Variants in NUP43 observed in about 807,000 individuals in gnomAD.
NUP43 encodes the protein nucleoporin 43.
In NUP43, 32 loss-of-function variants were observed where a neutral mutation model predicts 47.3. That is an observed-to-expected ratio of 0.68 (90% CI 0.51 to 0.91). The LOEUF (loss-of-function observed/expected upper bound fraction) is 0.91, where lower values mean the gene tolerates loss of function less well. NUP43 is among the 40% of genes least tolerant of loss of function. The probability of loss-of-function intolerance (pLI) is 0.00; values close to 1 mark genes in which losing one functional copy is unlikely to be tolerated. For missense variants in NUP43, 444 were observed against 453.9 expected (o/e 0.98, Z 0.20); for synonymous variants, 147 against 158.4 (o/e 0.93, Z 0.54).
rs928578585 is a variant in NUP43, at chr6:149,741,071, AAAG to A, written c.502+1316_502+1318del. 4.6e-5 allele frequency among the ~76,000 whole-genome samples: 7 copies of A among 152,284 alleles called. No homozygotes were observed. The East Asian group carries it at 7.7e-4, about 17-fold the overall frequency. ...GATAATGCCCTCTCACCAAAAAAAA[AAAG>A]GTTTCTGTTTCCTCTAGTCAGTCAT... On this transcript the variant is annotated intron_variant, in intron 4 of 7. Transcript: ENST00000340413.
chr6:149,728,192 ATATGTCT>A, intron 7 of NUP43: 1 of 984,934 alleles, frequency 1.0e-6, no homozygotes, highest in Non-Finnish European at 1.2e-6. Flanking sequence ...CCATGACTAA[ATATGTCT>A]TAAGAGCAGG....
chr6:149,744,922 A>T (rs9322217), intron 2 of NUP43, among the ~76,000 whole-genome samples: 62,971 of 148,300 alleles, frequency 0.42, 14,240 homozygotes, highest in East Asian at 0.81. Context: ...TATTATTATT[A>T]TTTTTTGAGA....
chr6:149,727,244 A>G (rs1217047962), intron 7 of NUP43, 46 bp from the exon 8 acceptor site: 3 of 1,569,102 alleles, frequency 1.9e-6, no homozygotes, highest in Admixed American at 3.7e-5. Context: ...GATGATTTTT[A>G]TATTAGTAAA....
intron 6 of NUP43, among the ~76,000 whole-genome samples, chr6:149,735,041 C>T (rs947205824): frequency 6.6e-6 from 1 of 152,030 alleles, no homozygotes; most frequent in African/African-American, 2.4e-5. Context: ...GCACACTTCA[C>T]TATGGCATAT....
At chr6:149,729,445 G>A in intron 7 of NUP43, 1 of 767,844 alleles carries the variant, frequency 1.3e-6, no homozygotes, top group Middle Eastern at 6.5e-4. Flanking sequence ...GGGAGAAGCA[G>A]CTCCTTCCTG....
intron 4 of NUP43, among the ~76,000 whole-genome samples, chr6:149,739,434 A>T (rs191867887): frequency 2.8e-4 from 43 of 151,180 alleles, no homozygotes; most frequent in Admixed American, 6.6e-4. Context: ...TTACAGGTAC[A>T]TGCCACCATG....
chr6:149,731,295 C>A, intron 7 of NUP43: 1 of 181,206 alleles, frequency 5.5e-6, no homozygotes, highest in Non-Finnish European at 1.2e-5. Context: ...TGTGGTGGCT[C>A]ACTCCTGTAA....
chr6:149,732,398 T>G (rs75253903), intron 6 of NUP43, among the ~76,000 whole-genome samples: 1,895 of 150,710 alleles, frequency 0.013, 41 homozygotes, highest in African/African-American at 0.044. Context: ...ATACTAAAAA[T>G]TAGCCAGGCA....
intron 1 of NUP43, 61 bp from the exon 2 acceptor site, chr6:149,746,123 T>C (rs766924805): frequency 1.3e-6 from 2 of 1,575,312 alleles, no homozygotes; most frequent in East Asian, 4.5e-5. Flanking sequence ...AAAATAAAAG[T>C]TGTGCTCCCG....
chr6:149,743,259 C>A (rs898981751), intron 3 of NUP43, among the ~76,000 whole-genome samples: 25 of 151,194 alleles, frequency 1.7e-4, no homozygotes, highest in African/African-American at 5.3e-4. Context: ...TCAAAAAAAC[C>A]CTTAACATGA....
chr6:149,727,395 C>T (rs1784838711), intron 7 of NUP43, 197 bp from the exon 8 acceptor site: 10 of 984,404 alleles, frequency 1.0e-5, no homozygotes, highest in Non-Finnish European at 1.2e-5. Context: ...TTCAAATTTC[C>T]ATGGGATAAT....
chr6:149,726,174 G>A lies in NUP43; in HGVS notation c.*795C>T, dbSNP rs756976234. Reference sequence around the variant, plus strand: ...TGTAATCACAGCACTTTGGGAGGTCGAGGCGGGTGGATCATGAGGTCAAGA... The same window carrying A: ...TGTAATCACAGCACTTTGGGAGGTCAAGGCGGGTGGATCATGAGGTCAAGA... On this transcript the variant is annotated 3_prime_UTR_variant, in exon 8 of 8. Transcript: ENST00000340413. The A allele has an allele frequency of 2.0e-5, 3 of 152,062 alleles. No individual in the cohort carries two copies. The highest frequency in any genetic ancestry group is 1.3e-4 in the Admixed American group (2 of 15,242). The allele number at this position is 152,062 out of a possible 1,614,324, so 9.4% of individuals were successfully genotyped here.
intron 4 of NUP43, among the ~76,000 whole-genome samples, chr6:149,741,140 C>A (rs1487080189): frequency 6.6e-6 from 1 of 151,836 alleles, no homozygotes; most frequent in East Asian, 1.9e-4. Flanking sequence ...ACAAAGGGAT[C>A]CTGCCTTGCG....
intron 6 of NUP43, among the ~76,000 whole-genome samples, chr6:149,732,574 A>T (rs990228747): frequency 1.5e-4 from 23 of 151,638 alleles, no homozygotes; most frequent in Non-Finnish European, 2.9e-4. Flanking sequence ...GTCCAGGCGC[A>T]GTGGCTCATG....
In NUP43 at chr6:149,742,424, G is replaced by A. The variant is rs759065651; in HGVS notation, c.468C>T (p.Phe156=). ...TTACAGCTTCCTTGTGATCAGCTCTGAAGAGATTTATTCGACCATCCTCTC... is the reference window on the plus strand; with the variant it reads ...TTACAGCTTCCTTGTGATCAGCTCTAAAGAGATTTATTCGACCATCCTCTC... ...TVGEDGRINL[F]RADHKEAVRT... Residue 156 remains phenylalanine, a synonymous_variant, in exon 4 of 8, where the codon TTC becomes TTT. Transcript: ENST00000340413. 2 of 1,614,034 alleles carry A rather than the reference G, an allele frequency of 1.2e-6. No homozygotes were observed. Among genetic ancestry groups the A allele is most frequent in the Non-Finnish European group, 8.5e-7 (1 of 1,180,028 alleles).
At position 149,725,977 on chromosome 6, in the gene NUP43, T is replaced by C. The variant is rs1397480570; in HGVS notation, c.*992A>G. 1 of 152,228 alleles carries C rather than the reference T, an allele frequency of 6.6e-6. No individual in the cohort carries two copies. The allele number at this position is 152,228 out of a possible 1,614,324, so 9.4% of individuals were successfully genotyped here. On this transcript the variant is annotated 3_prime_UTR_variant, in exon 8 of 8. Transcript: ENST00000340413. ...TGCTTATCAATATAGAATTCTACTT[T>C]ATTGCACAATGTCCAGTTTGGCAAC... is the stretch of plus-strand genomic sequence containing the variant.
At position 149,726,954 on chromosome 6, in the gene NUP43, A is replaced by G; in HGVS notation, c.*15T>C. ...AATTGCATGTTCTATCTGAAATCTT[A>G]TAATTATAGTACTTCTACGAAAAAA... On this transcript the variant is annotated 3_prime_UTR_variant, in exon 8 of 8. Coordinates refer to ENST00000340413, the MANE Select transcript of NUP43 (RefSeq NM_198887.3). 5 of 1,590,914 alleles carry G rather than the reference A, an allele frequency of 3.1e-6. No homozygotes were observed. The highest frequency in any genetic ancestry group is 4.3e-6 in the Non-Finnish European group (5 of 1,159,914).
intron 1 of NUP43, 128 bp downstream of exon 1, chr6:149,746,248 G>A: frequency 7.0e-7 from 1 of 1,431,868 alleles, no homozygotes; most frequent in Non-Finnish European, 9.6e-7. Flanking sequence ...CCGCGCCTGA[G>A]ACAGGGGTCC....
At chr6:149,739,415 T>C (rs60918651) in intron 4 of NUP43, among the ~76,000 whole-genome samples, 4,461 of 152,178 alleles carry the variant, frequency 0.029, 238 homozygotes, top group African/African-American at 0.1. Context: ...GCCTCTCTAG[T>C]ACCTGGGATT....
Sources: gnomAD v4.1 joint callset for allele counts (sites outside exome capture counted in the v4.1 genomes callset) on GRCh38, gnomAD v4.1.1 for gene constraint, MANE v1.5 for transcripts, NCBI Gene and HGNC (gene_info 2026-07-23, HGNC 2026-07-21) for gene names.